The following DRC11 variants were observed in gnomAD, a reference collection of about 807,000 sequenced individuals.
The protein encoded by DRC11 is dynein regulatory complex subunit 11, also known as IQ and AAA domain-containing protein 1.
the DRC11 span, chr2:236,494,011 A>C: frequency 2.5e-6 from 2 of 804,546 alleles, no homozygotes; most frequent in Non-Finnish European, 3.5e-6. The surrounding 1 kb of genome is among the most constrained non-coding windows in gnomAD (Gnocchi z 4.2). Flanking sequence ...TTTTCATTTA[A>C]GAAAAAAAAA....
At chr2:236,399,427 C>T in the DRC11 span, 1 of 1,613,720 alleles carries the variant, frequency 6.2e-7, no homozygotes, top group Admixed American at 1.7e-5. The surrounding 1 kb of genome is among the most constrained non-coding windows in gnomAD (Gnocchi z 7.0). Context: ...GTATGCGTTA[C>T]ATCCTTCCTT....
the DRC11 span, among the ~76,000 whole-genome samples, chr2:236,357,198 A>AT: frequency 9.2e-6 from 1 of 109,096 alleles, no homozygotes; most frequent in Admixed American, 1.1e-4. Context: ...TATATATTAT[A>AT]AATTATATTC....
At chr2:236,338,366 A>G in the DRC11 span, 1 of 1,613,136 alleles carries the variant, frequency 6.2e-7, no homozygotes, top group Non-Finnish European at 8.5e-7. Flanking sequence ...GTGTTTTTTC[A>G]GGCGTTTAGG....
chr2:236,507,450 G>A, the DRC11 span: 6 of 634,140 alleles, frequency 9.5e-6, no homozygotes, highest in Non-Finnish European at 1.7e-5. Context: ...GGTGAGGCCG[G>A]GTTTGCTTCG....
the DRC11 span, among the ~76,000 whole-genome samples, chr2:236,416,193 T>C: frequency 1.3e-5 from 2 of 152,104 alleles, no homozygotes; most frequent in Admixed American, 1.3e-4. Flanking sequence ...GCAAGAGAGC[T>C]ATCAGCTAAT....
At chr2:236,476,284 T>C in the DRC11 span, among the ~76,000 whole-genome samples, 1 of 152,154 alleles carries the variant, frequency 6.6e-6, no homozygotes, top group African/African-American at 2.4e-5. This position sits in a 1 kb window ranked among gnomAD's most constrained non-coding sequence, Gnocchi z 4.7. Flanking sequence ...CTTTCACATC[T>C]TTGGTTTAAA....
chr2:236,385,661 C>G, the DRC11 span, among the ~76,000 whole-genome samples: 2 of 3,602 alleles, frequency 5.6e-4, no homozygotes, highest in Non-Finnish European at 5.7e-4. Context: ...ATTTCCTTCT[C>G]CTGCCTAATT....
the DRC11 span, among the ~76,000 whole-genome samples, chr2:236,449,754 T>C: frequency 6.6e-6 from 1 of 152,226 alleles, no homozygotes; most frequent in Non-Finnish European, 1.5e-5. The surrounding 1 kb of genome is among the most constrained non-coding windows in gnomAD (Gnocchi z 5.1). Context: ...TTATTTTAAA[T>C]GGGAAAATTG....
the DRC11 span, among the ~76,000 whole-genome samples, chr2:236,445,062 A>G: frequency 6.6e-6 from 1 of 152,210 alleles, no homozygotes. This position sits in a 1 kb window ranked among gnomAD's most constrained non-coding sequence, Gnocchi z 4.8. Context: ...AGTCAAAATG[A>G]CAGCACTGTT....
the DRC11 span, among the ~76,000 whole-genome samples, chr2:236,357,681 T>C: frequency 2.4e-5 from 3 of 125,620 alleles, no homozygotes; most frequent in Admixed American, 8.5e-5. Flanking sequence ...AATATATATT[T>C]ACAATATGTA....
At chr2:236,379,319 G>A in the DRC11 span, among the ~76,000 whole-genome samples, 1 of 137,180 alleles carries the variant, frequency 7.3e-6, no homozygotes. Flanking sequence ...GGAGCGACAG[G>A]ACCAAGGGGA....
At chr2:236,394,757 G>A in the DRC11 span, among the ~76,000 whole-genome samples, 1 of 152,156 alleles carries the variant, frequency 6.6e-6, no homozygotes, top group African/African-American at 2.4e-5. The surrounding 1 kb of genome is among the most constrained non-coding windows in gnomAD (Gnocchi z 7.0). Flanking sequence ...ACTACGGCAC[G>A]GATGGCTCAG....
the DRC11 span, among the ~76,000 whole-genome samples, chr2:236,469,403 A>T: frequency 2.6e-5 from 4 of 152,116 alleles, no homozygotes; most frequent in African/African-American, 7.2e-5. The surrounding 1 kb of genome is among the most constrained non-coding windows in gnomAD (Gnocchi z 5.8). Context: ...ACAGGGTTTC[A>T]CCATGTTGGT....
chr2:236,363,701 A>G, the DRC11 span: 1 of 1,104,120 alleles, frequency 9.1e-7, no homozygotes, highest in Non-Finnish European at 1.4e-6. This position sits in a 1 kb window ranked among gnomAD's most constrained non-coding sequence, Gnocchi z 5.6. Context: ...CTTGTCTGCC[A>G]ATGGAAATTA....
chr2:236,444,716 C>G, the DRC11 span, among the ~76,000 whole-genome samples: 7 of 152,358 alleles, frequency 4.6e-5, no homozygotes, highest in African/African-American at 1.7e-4. Flanking sequence ...TTCTCTTTCT[C>G]TACACAGGAG....
At chr2:236,376,108 T>C in the DRC11 span, among the ~76,000 whole-genome samples, 1 of 152,170 alleles carries the variant, frequency 6.6e-6, no homozygotes, top group African/African-American at 2.4e-5. This position sits in a 1 kb window ranked among gnomAD's most constrained non-coding sequence, Gnocchi z 5.7. Context: ...AAAGTGGCAT[T>C]AAGTGCCCCC....
chr2:236,481,744 G>GT, the DRC11 span, among the ~76,000 whole-genome samples: 1 of 151,802 alleles, frequency 6.6e-6, no homozygotes, highest in Middle Eastern at 3.2e-3. Context: ...CAGACTTTGT[G>GT]TATTTTCTTT....
At chr2:236,377,225 A>G in the DRC11 span, 2 of 1,291,680 alleles carry the variant, frequency 1.5e-6, no homozygotes, top group Non-Finnish European at 2.2e-6. This position sits in a 1 kb window ranked among gnomAD's most constrained non-coding sequence, Gnocchi z 4.9. Context: ...AGGCACACAC[A>G]CAGAAATCGG....
chr2:236,493,009 C>T, the DRC11 span, among the ~76,000 whole-genome samples: 3 of 152,342 alleles, frequency 2.0e-5, no homozygotes. Flanking sequence ...TCCGTTTTCA[C>T]ACTGCTGATA....
Sources: allele counts gnomAD v4.1 joint callset (sites outside exome capture counted in the v4.1 genomes callset), GRCh38; gene constraint gnomAD v4.1.1; non-coding constraint Gnocchi (gnomAD v3.1); transcripts MANE v1.5; gene names NCBI Gene and HGNC (gene_info 2026-07-23, HGNC 2026-07-21).